The following NBEA variants were observed in gnomAD, a reference collection of about 807,000 sequenced individuals.
NBEA encodes neurobeachin, also known as lysosomal-trafficking regulator 2.
In NBEA, 44 loss-of-function variants were observed where a neutral mutation model predicts 343.4. The ratio of observed to expected loss-of-function variants is 0.13; its 90% CI spans 0.10 to 0.16. The LOEUF (loss-of-function observed/expected upper bound fraction) is 0.16. NBEA is among the 10% of genes least tolerant of loss of function. NBEA has a pLI of 1.00. For synonymous variants in NBEA, 1,175 were observed against 1,238.7 expected (o/e 0.95, Z 1.08); for missense variants, 2,555 against 3,631.3 (o/e 0.70, Z 7.62).
chr13:35,303,800 C>G (rs1016810690), intron 35 of NBEA, among the ~76,000 whole-genome samples: 1 of 152,098 alleles, frequency 6.6e-6, no homozygotes, highest in Non-Finnish European at 1.5e-5. Context: ...CACTTTCAAA[C>G]CTATCTTTCT....
intron 49 of NBEA, among the ~76,000 whole-genome samples, chr13:35,644,826 G>A (rs1346337720): frequency 6.6e-6 from 1 of 152,186 alleles, no homozygotes; most frequent in Non-Finnish European, 1.5e-5. Context: ...AAAGTAGGAT[G>A]TAAATGCATC....
At chr13:35,469,249 A>G (rs1014475678) in intron 40 of NBEA, among the ~76,000 whole-genome samples, 2 of 152,098 alleles carry the variant, frequency 1.3e-5, no homozygotes, top group African/African-American at 4.8e-5. Flanking sequence ...TATTTGATAA[A>G]TTGTTTCTTT....
chr13:35,522,829 A>G (rs1037822364), intron 41 of NBEA, among the ~76,000 whole-genome samples: 1 of 152,100 alleles, frequency 6.6e-6, no homozygotes, highest in African/African-American at 2.4e-5. Flanking sequence ...GAACAGTTTA[A>G]TCCCCAGACC....
In NBEA at chr13:35,268,592, C is replaced by G. The variant is rs141467842; in HGVS notation, c.5777-21797C>G. Among the ~76,000 whole-genome samples, 4 of 151,956 alleles carry G rather than the reference C, an allele frequency of 2.6e-5. No individual in the cohort carries two copies. The East Asian group carries it at 7.7e-4, about 29-fold the overall frequency. On this transcript the variant is annotated intron_variant, in intron 34 of 58. Coordinates refer to ENST00000379939, the MANE Select transcript of NBEA (RefSeq NM_001385012.1). Reference sequence around the variant, plus strand: ...AATTCTATTAAAAATAACACAAACACGCCAACAACAACAAAAAACCATGCA... The same window carrying G: ...AATTCTATTAAAAATAACACAAACAGGCCAACAACAACAAAAAACCATGCA...
At chr13:35,429,294 A>G (rs1403906878) in intron 38 of NBEA, among the ~76,000 whole-genome samples, 1 of 152,164 alleles carries the variant, frequency 6.6e-6, no homozygotes, top group Non-Finnish European at 1.5e-5. Flanking sequence ...ATGAGGGTAC[A>G]TGTCTGGGTT....
intron 41 of NBEA, chr13:35,475,959 GT>G: frequency 6.2e-7 from 1 of 1,614,202 alleles, no homozygotes; most frequent in Admixed American, 1.7e-5. Context: ...CGTAGCGATT[GT>G]CCATCTCGTT....
At position 35,159,996 on chromosome 13, in the gene NBEA, A is replaced by G; in HGVS notation, c.3825A>G (p.Lys1275=). The change falls in exon 22 of 59, where the codon AAA becomes AAG. Residue 1275 remains lysine (K), a synonymous_variant. Coordinates refer to ENST00000379939, the MANE Select transcript of NBEA (RefSeq NM_001385012.1). ...ERSDDGKESG[K]EIRKIQTTTT... ...CTGACGATGGCAAAGAATCAGGAAA[A>G]GAAATCCGAAAAATCCAAACAACTA... The G allele has an allele frequency of 3.1e-6, 5 of 1,589,010 alleles. No individual in the cohort carries two copies. Among genetic ancestry groups the G allele is most frequent in the Non-Finnish European group, 4.3e-6 (5 of 1,169,214 alleles).
intron 46 of NBEA, among the ~76,000 whole-genome samples, chr13:35,592,553 A>G (rs1426558354): frequency 3.9e-5 from 6 of 152,262 alleles, no homozygotes; most frequent in South Asian, 4.1e-4. Context: ...CTTAAAGGAT[A>G]AAAAGAACTT....
chr13:35,120,807 G>A (rs2066753462), intron 16 of NBEA, among the ~76,000 whole-genome samples: 1 of 129,320 alleles, frequency 7.7e-6, no homozygotes, highest in Admixed American at 7.9e-5. Flanking sequence ...ACTGAATATA[G>A]TGAGCTTAAG....
At chr13:35,012,637 C>T (rs148746195) in intron 1 of NBEA, among the ~76,000 whole-genome samples, 103 of 152,230 alleles carry the variant, frequency 6.8e-4, no homozygotes, top group African/African-American at 2.4e-3. Context: ...CCAAGTTATT[C>T]CAAATCTAAA....
intron 31 of NBEA, among the ~76,000 whole-genome samples, chr13:35,197,440 A>T (rs537898973): frequency 6.6e-6 from 1 of 152,272 alleles, no homozygotes; most frequent in South Asian, 2.1e-4. Flanking sequence ...AAGTAGCCAG[A>T]CTGCTCTTGT....
At chr13:34,956,325 A>G (rs376119147) in intron 1 of NBEA, among the ~76,000 whole-genome samples, 1 of 151,720 alleles carries the variant, frequency 6.6e-6, no homozygotes, top group Admixed American at 6.6e-5. Flanking sequence ...AATGAAATTT[A>G]TATACAAATA....
intron 41 of NBEA, among the ~76,000 whole-genome samples, chr13:35,526,295 A>T (rs1229378249): frequency 6.6e-6 from 1 of 152,222 alleles, no homozygotes; most frequent in Non-Finnish European, 1.5e-5. Context: ...GCCCAACTTT[A>T]ACATTTCATA....
At chr13:35,246,968 G>A (rs73489523) in intron 34 of NBEA, among the ~76,000 whole-genome samples, 1 of 152,208 alleles carries the variant, frequency 6.6e-6, no homozygotes, top group African/African-American at 2.4e-5. Context: ...GCTTGCTATG[G>A]CTGCAATGGG....
intron 39 of NBEA, among the ~76,000 whole-genome samples, chr13:35,435,550 G>A (rs1031604447): frequency 2.0e-5 from 3 of 151,912 alleles, no homozygotes; most frequent in Admixed American, 6.6e-5. Flanking sequence ...CAGGAGTGGG[G>A]TGGGGGGGGC....
chr13:35,420,011 G>C (rs1054526911), intron 38 of NBEA, among the ~76,000 whole-genome samples: 1 of 152,032 alleles, frequency 6.6e-6, no homozygotes, highest in African/African-American at 2.4e-5. Context: ...CTTAGTTCTA[G>C]GAGTGTTTGA....
At chr13:35,065,661 A>G (rs961696279) in intron 8 of NBEA, among the ~76,000 whole-genome samples, 2 of 152,026 alleles carry the variant, frequency 1.3e-5, no homozygotes, top group African/African-American at 4.8e-5. Context: ...TTAAATCTTT[A>G]TCTCCTTCTT....
chr13:35,044,493 A>G (rs1046334550), intron 2 of NBEA, among the ~76,000 whole-genome samples: 5 of 152,116 alleles, frequency 3.3e-5, no homozygotes, highest in African/African-American at 9.7e-5. Context: ...CTGAAAGACA[A>G]TATAGTCAGC....
intron 24 of NBEA, chr13:35,165,132 G>C: frequency 1.9e-6 from 1 of 533,686 alleles, no homozygotes. Flanking sequence ...CTTAAGCTCA[G>C]AAAGCATACC....
Sources: allele counts gnomAD v4.1 joint callset (sites outside exome capture counted in the v4.1 genomes callset), GRCh38; gene constraint gnomAD v4.1.1; transcripts MANE v1.5; gene names NCBI Gene and HGNC (gene_info 2026-07-23, HGNC 2026-07-21).